Variants in ASIC2 observed in about 807,000 individuals in gnomAD.
ASIC2 encodes acid sensing ion channel subunit 2, also known as acid-sensing ion channel 2.
In ASIC2, 25 loss-of-function variants were observed where a neutral mutation model predicts 57.3. The ratio of observed to expected loss-of-function variants is 0.44; its 90% CI spans 0.32 to 0.61. ASIC2 has a LOEUF of 0.61. Ranked by LOEUF, ASIC2 falls within the 20% of genes least tolerant of loss-of-function variation. The pLI is 0.06. For synonymous variants in ASIC2, 319 were observed against 307.5 expected, an observed-to-expected ratio of 1.04 and a Z score of -0.39; for missense variants, 641 against 738.1, an observed-to-expected ratio of 0.87 and a Z score of 1.52.
rs1003020432 is a variant in ASIC2 at position 33,064,611 on chromosome 17, G to T, written c.987+24252C>A. On this transcript the variant is annotated intron_variant, in intron 3 of 9. Transcript: ENST00000225823. The stretch of plus-strand genomic sequence containing the variant: ...GGTGTCAGTCTGCCCCTACTGGGGG[G>T]TGCATCCCAGTTAGGCTACTCGGGG... Among the ~76,000 whole-genome samples the T allele has an allele frequency of 5.3e-5, 8 of 152,196 alleles. No individual in the cohort carries two copies. The East Asian group carries it at 1.2e-3, about 22-fold the overall frequency.
intron 1 of ASIC2, among the ~76,000 whole-genome samples, chr17:33,282,475 G>A (rs2142170574): frequency 6.8e-6 from 1 of 147,212 alleles, no homozygotes; most frequent in East Asian, 2.0e-4. Context: ...GTGTGTGTGT[G>A]CTTGTGTGTG....
intron 1 of ASIC2, among the ~76,000 whole-genome samples, chr17:33,207,210 G>C (rs1417463259): frequency 6.6e-6 from 1 of 152,212 alleles, no homozygotes; most frequent in African/African-American, 2.4e-5. Flanking sequence ...AGGACGGACG[G>C]AAGTGGTGAA....
chr17:33,534,979 C>T (rs902947143), intron 1 of ASIC2, among the ~76,000 whole-genome samples: 14 of 152,322 alleles, frequency 9.2e-5, no homozygotes, highest in African/African-American at 3.4e-4. Flanking sequence ...ATTTCCTTTG[C>T]TTTCCTTAGC....
rs181671222 is a variant in ASIC2, at chr17:33,368,061, G to C, written c.556-255994C>G. Among the ~76,000 whole-genome samples, 9 of 152,226 alleles carry C rather than the reference G, an allele frequency of 5.9e-5. No individual in the cohort carries two copies. In the South Asian group the frequency reaches 1.9e-3, roughly 32 times the overall value. ...CATGGATATGTATCCCATTCCACAAGTTCTTACAGTGTGGCATGACACCTC... is the reference window on the plus strand; with the variant it reads ...CATGGATATGTATCCCATTCCACAACTTCTTACAGTGTGGCATGACACCTC... On this transcript the variant is annotated intron_variant, in intron 1 of 9. Transcript: ENST00000359872.
At chr17:33,694,171 G>A (rs1004388001) in intron 1 of ASIC2, among the ~76,000 whole-genome samples, 13 of 152,082 alleles carry the variant, frequency 8.5e-5, no homozygotes, top group Non-Finnish European at 1.5e-4. Context: ...TAATATTCCC[G>A]AGTCATCTGA....
chr17:33,884,165 C>T (rs1191438911), intron 1 of ASIC2, among the ~76,000 whole-genome samples: 1 of 152,202 alleles, frequency 6.6e-6, no homozygotes, highest in Non-Finnish European at 1.5e-5. Flanking sequence ...CTCTCTTGCT[C>T]TTTGGCTGAA....
At chr17:33,657,165 A>G (rs780885504) in intron 1 of ASIC2, among the ~76,000 whole-genome samples, 1 of 152,118 alleles carries the variant, frequency 6.6e-6, no homozygotes, top group Non-Finnish European at 1.5e-5. Flanking sequence ...CTCCTTACGA[A>G]CGACACTTGC....
At chr17:33,363,585 A>G (rs1908692968) in intron 1 of ASIC2, among the ~76,000 whole-genome samples, 1 of 152,230 alleles carries the variant, frequency 6.6e-6, no homozygotes, top group African/African-American at 2.4e-5. Context: ...TCCGAGCTGC[A>G]TGGCCTCTGC....
At chr17:34,093,479 C>T (rs1910407992) in intron 1 of ASIC2, among the ~76,000 whole-genome samples, 1 of 152,194 alleles carries the variant, frequency 6.6e-6, no homozygotes, top group South Asian at 2.1e-4. Flanking sequence ...CTCGGTTGTG[C>T]CAACTCCTTC....
chr17:34,055,048 C>G (rs1172147452), intron 1 of ASIC2, among the ~76,000 whole-genome samples: 2 of 152,146 alleles, frequency 1.3e-5, no homozygotes, highest in African/African-American at 4.8e-5. Flanking sequence ...TTAGCTACCT[C>G]TCAGAGAGTC....
chr17:33,746,123 T>C (rs1011453156), intron 1 of ASIC2, among the ~76,000 whole-genome samples: 8 of 151,184 alleles, frequency 5.3e-5, no homozygotes, highest in African/African-American at 1.9e-4. Context: ...AATTCTGGAG[T>C]TGAAAACCAA....
intron 1 of ASIC2, among the ~76,000 whole-genome samples, chr17:33,801,231 T>C (rs1192312207): frequency 6.6e-6 from 1 of 152,092 alleles, no homozygotes; most frequent in Non-Finnish European, 1.5e-5. Context: ...AAAATGAGGG[T>C]TCATCGTGTG....
At chr17:33,702,666 C>G (rs959189069) in intron 1 of ASIC2, among the ~76,000 whole-genome samples, 1 of 152,216 alleles carries the variant, frequency 6.6e-6, no homozygotes, top group Non-Finnish European at 1.5e-5. Flanking sequence ...GGGTTGCGAA[C>G]TGGGGAGTTG....
chr17:33,461,751 C>T (rs927093013), intron 1 of ASIC2, among the ~76,000 whole-genome samples: 7 of 152,084 alleles, frequency 4.6e-5, no homozygotes, highest in African/African-American at 1.7e-4. Context: ...CATTCTCTAC[C>T]CCTTCCACAT....
At chr17:33,670,431 TGAA>T (rs1907606621) in intron 1 of ASIC2, among the ~76,000 whole-genome samples, 2 of 152,124 alleles carry the variant, frequency 1.3e-5, no homozygotes, top group African/African-American at 4.8e-5. Flanking sequence ...CCATTTTAAA[TGAA>T]GAGAAAAAGT....
intron 1 of ASIC2, among the ~76,000 whole-genome samples, chr17:33,324,638 G>A (rs1380227217): frequency 1.3e-5 from 2 of 152,130 alleles, no homozygotes; most frequent in Non-Finnish European, 2.9e-5. Context: ...GGATATCATT[G>A]CTCTCATCTC....
chr17:33,934,641 C>T (rs1237388966), intron 1 of ASIC2, among the ~76,000 whole-genome samples: 3 of 152,206 alleles, frequency 2.0e-5, no homozygotes, highest in Non-Finnish European at 4.4e-5. Context: ...CCATTGCCTA[C>T]CGGGGAGTTC....
chr17:33,349,885 G>A (rs1908090945), intron 1 of ASIC2, among the ~76,000 whole-genome samples: 1 of 151,844 alleles, frequency 6.6e-6, no homozygotes, highest in South Asian at 2.1e-4. Context: ...GTAGATAAGT[G>A]GTAGTCGGCA....
chr17:33,837,302 C>T (rs1379094044), intron 1 of ASIC2, among the ~76,000 whole-genome samples: 1 of 152,140 alleles, frequency 6.6e-6, no homozygotes, highest in Admixed American at 6.5e-5. Context: ...CTTGCATTGG[C>T]CCTGAGATTC....
Sources: gnomAD v4.1 joint callset for allele counts (sites outside exome capture counted in the v4.1 genomes callset) on GRCh38, gnomAD v4.1.1 for gene constraint, MANE v1.5 for transcripts, NCBI Gene and HGNC (gene_info 2026-07-23, HGNC 2026-07-21) for gene names.